Variants in EEFSEC observed in about 807,000 individuals in gnomAD.
EEFSEC encodes the protein eukaryotic elongation factor, selenocysteine-tRNA specific.
A neutral mutation model predicts 42.1 loss-of-function variants in EEFSEC; 43 were observed. The observed-to-expected ratio is 1.02, with a 90% CI of 0.80 to 1.32. EEFSEC has a LOEUF of 1.32. EEFSEC is among the 40% of genes most tolerant of loss of function. The probability of loss-of-function intolerance (pLI) is 0.00; values close to 1 mark genes in which losing one functional copy is unlikely to be tolerated. For missense variants in EEFSEC, 745 were observed against 803.6 expected (o/e 0.93, Z 0.88); for synonymous variants, 354 against 339.1 (o/e 1.04, Z -0.48).
At chr3:128,350,758 C>A (rs1365038128) in intron 5 of EEFSEC, among the ~76,000 whole-genome samples, 1 of 152,174 alleles carries the variant, frequency 6.6e-6, no homozygotes, top group Non-Finnish European at 1.5e-5. Context: ...CTCGATGTGG[C>A]CGTGGGCAAG....
chr3:128,353,940 G>C (rs930752261), intron 5 of EEFSEC, among the ~76,000 whole-genome samples: 3 of 152,206 alleles, frequency 2.0e-5, no homozygotes, highest in Non-Finnish European at 4.4e-5. Flanking sequence ...TGAGAGAGCA[G>C]AGTGCGAAGG....
chr3:128,343,288 A>G (rs1576655459), intron 5 of EEFSEC, among the ~76,000 whole-genome samples: 1 of 152,064 alleles, frequency 6.6e-6, no homozygotes, highest in Non-Finnish European at 1.5e-5. Context: ...ATTCTCTGTC[A>G]CTGCAGCCCC....
intron 4 of EEFSEC, among the ~76,000 whole-genome samples, chr3:128,298,740 C>T (rs2066735861): frequency 1.3e-5 from 2 of 152,230 alleles, no homozygotes; most frequent in South Asian, 4.1e-4. Flanking sequence ...TCCCCCTGCC[C>T]ACCAGCCTTT....
chr3:128,166,887 A>G (rs1189817620), intron 1 of EEFSEC, among the ~76,000 whole-genome samples: 3 of 152,068 alleles, frequency 2.0e-5, no homozygotes, highest in East Asian at 1.9e-4. Context: ...ATTCCCTCAC[A>G]TAGTCTCCTT....
At chr3:128,394,812 G>T (rs899343827) in intron 6 of EEFSEC, among the ~76,000 whole-genome samples, 3 of 152,192 alleles carry the variant, frequency 2.0e-5, no homozygotes, top group Non-Finnish European at 2.9e-5. Context: ...GGCAGGCTGG[G>T]GTGAGTCCTA....
intron 1 of EEFSEC, among the ~76,000 whole-genome samples, chr3:128,231,913 G>A (rs2065962575): frequency 6.6e-6 from 1 of 152,192 alleles, no homozygotes; most frequent in Non-Finnish European, 1.5e-5. Flanking sequence ...CTCTTCCCTG[G>A]GTGAGGTTTG....
intron 1 of EEFSEC, among the ~76,000 whole-genome samples, chr3:128,215,248 T>G (rs796920093): frequency 4.6e-5 from 7 of 152,336 alleles, no homozygotes; most frequent in African/African-American, 1.7e-4. Context: ...GCTCCTTTTG[T>G]GTCTCTCTGC....
chr3:128,396,240 C>T (rs547916748), intron 6 of EEFSEC, among the ~76,000 whole-genome samples: 76 of 152,286 alleles, frequency 5.0e-4, no homozygotes, highest in Non-Finnish European at 9.7e-4. Context: ...TGGCAGCTGG[C>T]GGCGCTAGTG....
intron 4 of EEFSEC, among the ~76,000 whole-genome samples, chr3:128,289,277 C>A (rs1278082495): frequency 1.3e-5 from 2 of 152,214 alleles, no homozygotes; most frequent in African/African-American, 4.8e-5. Flanking sequence ...TTTATAGGAA[C>A]CAGTTTACCA....
chr3:128,254,517 T>C (rs915368331), intron 2 of EEFSEC, among the ~76,000 whole-genome samples: 1 of 152,160 alleles, frequency 6.6e-6, no homozygotes, highest in Non-Finnish European at 1.5e-5. Flanking sequence ...TGAAATCGCA[T>C]AAACCAGCTG....
intron 2 of EEFSEC, among the ~76,000 whole-genome samples, chr3:128,260,520 C>G (rs1238044931): frequency 6.6e-6 from 1 of 152,194 alleles, no homozygotes; most frequent in African/African-American, 2.4e-5. Flanking sequence ...ACTAAGCAAG[C>G]TCCAAGGCAG....
chr3:128,157,180 C>T (rs186549032), intron 1 of EEFSEC, among the ~76,000 whole-genome samples: 6 of 152,310 alleles, frequency 3.9e-5, no homozygotes, highest in African/African-American at 1.2e-4. Context: ...TAATCCAGAG[C>T]AAGGCCCTAA....
At chr3:128,249,221 T>TAAATGTA (rs2066158539) in intron 2 of EEFSEC, among the ~76,000 whole-genome samples, 1 of 152,218 alleles carries the variant, frequency 6.6e-6, no homozygotes, top group Admixed American at 6.5e-5. Context: ...TTCAAAACAT[T>TAAATGTA]AAATGTATTT....
intron 1 of EEFSEC, among the ~76,000 whole-genome samples, chr3:128,231,172 G>C (rs1195232987): frequency 1.3e-5 from 2 of 151,998 alleles, no homozygotes; most frequent in African/African-American, 4.8e-5. Flanking sequence ...CCAAGCCTCA[G>C]ATTTCTCATA....
chr3:128,247,466 A>G (rs1196679239), intron 2 of EEFSEC, among the ~76,000 whole-genome samples: 1 of 152,190 alleles, frequency 6.6e-6, no homozygotes, highest in Admixed American at 6.5e-5. Flanking sequence ...TTCTCTTGCT[A>G]TCTGCTTCTC....
At chr3:128,361,485 C>G (rs1340869875) in intron 6 of EEFSEC, among the ~76,000 whole-genome samples, 1 of 152,208 alleles carries the variant, frequency 6.6e-6, no homozygotes, top group Admixed American at 6.5e-5. Flanking sequence ...ACTCGTAACT[C>G]CTGTTTGAAT....
chr3:128,153,953 C>T (rs2999046), intron 1 of EEFSEC, 130 bp downstream of exon 1: 197,968 of 1,320,664 alleles, frequency 0.15, 15,471 homozygotes, highest in Admixed American at 0.2. Context: ...CTCCTGACGC[C>T]CCAAGAGGCG....
chr3:128,250,075 TTG>T (rs1214378956), intron 2 of EEFSEC, among the ~76,000 whole-genome samples: 3 of 152,170 alleles, frequency 2.0e-5, no homozygotes, highest in African/African-American at 4.8e-5. Context: ...TTCAAGTCCT[TTG>T]TACATTTTTA....
chr3:128,263,983 C>T (rs979955278), intron 3 of EEFSEC, among the ~76,000 whole-genome samples: 5 of 152,190 alleles, frequency 3.3e-5, no homozygotes, highest in Non-Finnish European at 7.3e-5. Flanking sequence ...CTGGCTCTCA[C>T]AGCCCTATGG....
Sources: allele counts gnomAD v4.1 joint callset (sites outside exome capture counted in the v4.1 genomes callset), GRCh38; gene constraint gnomAD v4.1.1; transcripts MANE v1.5; gene names NCBI Gene and HGNC (gene_info 2026-07-23, HGNC 2026-07-21).